CLCN4: variants seen among roughly 807,000 people sequenced by gnomAD.
The protein encoded by CLCN4 is H(+)/Cl(-) exchange transporter 4.
Under a neutral mutation model 41.7 loss-of-function variants are expected in CLCN4, and 1 was observed. The observed-to-expected ratio is 0.02, with a 90% CI of 0.01 to 0.11. The LOEUF (loss-of-function observed/expected upper bound fraction) is 0.11, where lower values mean the gene tolerates loss of function less well. Among genes scored for constraint, CLCN4 ranks in the 10% least tolerant of loss-of-function variants. The pLI, the probability that CLCN4 is intolerant of heterozygous loss-of-function variation, is 1.00. For missense variants in CLCN4, 287 were observed against 661.0 expected (o/e 0.43, Z 6.20); for synonymous variants, 277 against 285.8 (o/e 0.97, Z 0.31).
intron 2 of CLCN4, among the ~76,000 whole-genome samples, chrX:10,167,153 T>C (rs1010743354): frequency 3.6e-5 from 4 of 112,284 alleles, no homozygotes; most frequent in African/African-American, 9.7e-5. Context: ...CCTTTTGCTC[T>C]GAGCTTCCCC....
chrX:10,168,546 A>G (rs1411776933), intron 2 of CLCN4, among the ~76,000 whole-genome samples: 1 of 112,605 alleles, frequency 8.9e-6, no homozygotes, highest in East Asian at 2.8e-4. Flanking sequence ...AAGCATGCCA[A>G]TGAAAAACCT....
intron 6 of CLCN4, among the ~76,000 whole-genome samples, chrX:10,201,147 C>T (rs2147175526): frequency 8.9e-6 from 1 of 111,830 alleles, no homozygotes; most frequent in Non-Finnish European, 1.9e-5. Context: ...TGTGCTAAAA[C>T]TATAGAGAAA....
At chrX:10,207,667 A>G (rs1435303778) in intron 8 of CLCN4, among the ~76,000 whole-genome samples, 1 of 112,353 alleles carries the variant, frequency 8.9e-6, no homozygotes, top group Non-Finnish European at 1.9e-5. Context: ...GTGCCATACA[A>G]ATGCATTCAC....
At chrX:10,188,409 G>A in intron 4 of CLCN4, among the ~76,000 whole-genome samples, 1 of 112,207 alleles carries the variant, frequency 8.9e-6, no homozygotes, top group South Asian at 3.7e-4. Flanking sequence ...AGGCCCAGGG[G>A]CCTCCATCAT....
chrX:10,217,488 C>T (rs965844117), intron 11 of CLCN4, among the ~76,000 whole-genome samples: 1 of 111,903 alleles, frequency 8.9e-6, no homozygotes, highest in Non-Finnish European at 1.9e-5. Flanking sequence ...TGTCTTTAGA[C>T]ATTGCCAAAT....
chrX:10,190,927 T>TAA (rs1923943576), intron 4 of CLCN4, among the ~76,000 whole-genome samples: 1 of 112,305 alleles, frequency 8.9e-6, no homozygotes, highest in African/African-American at 3.2e-5. Context: ...GTCTGATATT[T>TAA]AAAATTTAAA....
chrX:10,164,190 C>A (rs762090225), intron 2 of CLCN4, among the ~76,000 whole-genome samples: 2 of 112,093 alleles, frequency 1.8e-5, no homozygotes, highest in East Asian at 5.6e-4. Flanking sequence ...AGCAGAGATC[C>A]GAATGGAGAG....
intron 2 of CLCN4, among the ~76,000 whole-genome samples, chrX:10,178,537 G>A (rs1923591968): frequency 8.9e-6 from 1 of 111,950 alleles, no homozygotes; most frequent in South Asian, 3.7e-4. Flanking sequence ...TAGCTAACAT[G>A]GGCATGTTAA....
chrX:10,212,707 G>A, intron 10 of CLCN4, 54 bp downstream of exon 10: 2 of 1,063,693 alleles, frequency 1.9e-6, no homozygotes, highest in Admixed American at 5.0e-5. Context: ...CTGGCTTAGA[G>A]GACTGCCAAG....
intron 11 of CLCN4, among the ~76,000 whole-genome samples, chrX:10,216,652 C>T (rs761396354): frequency 1.8e-5 from 2 of 108,184 alleles, no homozygotes; most frequent in Admixed American, 1.0e-4. Context: ...CGGTTTTTGC[C>T]GTTACTTTCA....
chrX:10,175,325 A>G (rs1483924529), intron 2 of CLCN4, among the ~76,000 whole-genome samples: 4 of 111,060 alleles, frequency 3.6e-5, no homozygotes, highest in Admixed American at 9.6e-5. Flanking sequence ...GAGGAGATGG[A>G]AAAAGGGGGA....
At chrX:10,199,697 A>G (rs1213162815) in intron 6 of CLCN4, among the ~76,000 whole-genome samples, 2 of 111,932 alleles carry the variant, frequency 1.8e-5, no homozygotes, top group African/African-American at 3.3e-5. Flanking sequence ...CCTCCCTAAC[A>G]TGAGTGGCAT....
chrX:10,228,385 G>A (rs1399111482), intron 12 of CLCN4, among the ~76,000 whole-genome samples: 1 of 110,197 alleles, frequency 9.1e-6, no homozygotes, highest in Non-Finnish European at 1.9e-5. Flanking sequence ...GCCAGGTACC[G>A]GGAGGACCTT....
rs542201309 is a variant in CLCN4, at chrX:10,167,042, G to C, written c.-12+8491G>C. On this transcript the variant is annotated intron_variant, in intron 2 of 12. Transcript: ENST00000380833. ...TTGAAGGAACACAGGGAGTGCTGGG[G>C]GCAGGGCCGGGGCCGGGGAGGAAGT... 1.3e-3 allele frequency among the ~76,000 whole-genome samples: 149 copies of C among 112,862 alleles called. 3 individuals are homozygous for C. The South Asian group carries it at 0.054, about 41-fold the overall frequency.
intron 2 of CLCN4, among the ~76,000 whole-genome samples, chrX:10,173,867 G>C (rs1923448302): frequency 8.9e-6 from 1 of 112,272 alleles, no homozygotes; most frequent in African/African-American, 3.2e-5. Flanking sequence ...GGAACTGGAA[G>C]GCGTCTGTCT....
intron 2 of CLCN4, among the ~76,000 whole-genome samples, chrX:10,177,744 C>G (rs1481795785): frequency 8.9e-6 from 1 of 112,180 alleles, no homozygotes; most frequent in Non-Finnish European, 1.9e-5. Flanking sequence ...AAACAGAGTT[C>G]CCATCTGACC....
At chrX:10,200,043 G>T (rs1176278651) in intron 6 of CLCN4, among the ~76,000 whole-genome samples, 1 of 112,035 alleles carries the variant, frequency 8.9e-6, no homozygotes, top group Non-Finnish European at 1.9e-5. Context: ...GAGCCGCCAC[G>T]CCTGGCCTTC....
chrX:10,161,874 G>A (rs1291152742), intron 2 of CLCN4, among the ~76,000 whole-genome samples: 1 of 110,873 alleles, frequency 9.0e-6, no homozygotes, highest in Non-Finnish European at 1.9e-5. Context: ...CTGCCATGTC[G>A]TGATCAGCCC....
At position 10,234,219 on chromosome X, in the gene CLCN4, G is replaced by T. The variant is rs1468782424; in HGVS notation, c.*635G>T. On this transcript the variant is annotated 3_prime_UTR_variant, in exon 13 of 13. Coordinates refer to ENST00000380833, the MANE Select transcript of CLCN4 (RefSeq NM_001830.4). ...ATCAGTTTCTGAACCAACATCAGGG[G>T]CACCTGCCATGATGAGTGTGAAGAA... 2.7e-5 allele frequency: 3 copies of T among 112,477 alleles called. No individual in the cohort carries two copies. Among genetic ancestry groups the T allele is most frequent in the Non-Finnish European group, 5.6e-5 (3 of 53,404 alleles). 9.3% of individuals were successfully genotyped at this position (112,477 alleles called of 1,213,427 possible).
Sources: allele counts gnomAD v4.1 joint callset (sites outside exome capture counted in the v4.1 genomes callset), GRCh38; gene constraint gnomAD v4.1.1; transcripts MANE v1.5; gene names NCBI Gene and HGNC (gene_info 2026-07-23, HGNC 2026-07-21).